The following FKBP7 variants were observed in gnomAD, a reference collection of about 807,000 sequenced individuals.
FKBP7 encodes FKBP prolyl isomerase 7.
Under a neutral mutation model 24.3 loss-of-function variants are expected in FKBP7, and 24 were observed. The ratio of observed to expected loss-of-function variants is 0.99; its 90% CI spans 0.72 to 1.39. The LOEUF (loss-of-function observed/expected upper bound fraction) is 1.39, where lower values mean the gene tolerates loss of function less well. FKBP7 is among the 40% of genes most tolerant of loss of function. FKBP7 has a pLI of 0.00. For synonymous variants in FKBP7, 98 were observed against 92.8 expected, an observed-to-expected ratio of 1.06 and a Z score of -0.32; for missense variants, 257 against 269.5, an observed-to-expected ratio of 0.95 and a Z score of 0.33.
At chr2:178,472,843 C>A (rs1460516534) in intron 2 of FKBP7, among the ~76,000 whole-genome samples, 1 of 89,080 alleles carries the variant, frequency 1.1e-5, no homozygotes, top group Admixed American at 1.5e-4. Context: ...CAGAGCAAGA[C>A]TCCATCTCAA....
At chr2:178,476,476 T>C (rs1685003900) in intron 2 of FKBP7, among the ~76,000 whole-genome samples, 1 of 152,190 alleles carries the variant, frequency 6.6e-6, no homozygotes, top group Non-Finnish European at 1.5e-5. Context: ...AAAATGAAAC[T>C]CTATACCCAT....
chr2:178,474,196 G>A (rs534488478), intron 2 of FKBP7, among the ~76,000 whole-genome samples: 3 of 152,326 alleles, frequency 2.0e-5, no homozygotes, highest in African/African-American at 4.8e-5. Flanking sequence ...AACCGGTGGA[G>A]TCAGCAGTGG....
intron 2 of FKBP7, among the ~76,000 whole-genome samples, chr2:178,472,684 A>C (rs2154126953): frequency 6.6e-6 from 1 of 151,908 alleles, no homozygotes; most frequent in East Asian, 2.0e-4. Flanking sequence ...CCCCATCTCT[A>C]CTAAAAATAC....
Position 178,465,756 on chromosome 2 carries a change from G to A in FKBP7, c.*14C>T. On this transcript the variant is annotated 3_prime_UTR_variant, in exon 4 of 4. Coordinates refer to ENST00000424785, the MANE Select transcript of FKBP7 (RefSeq NM_181342.3). Reference sequence around the variant, plus strand: ...AGTAAATAGCTAAAAAAAAAAAGTAGAAATACAAATATGCTATAGTTCATC... The same window carrying A: ...AGTAAATAGCTAAAAAAAAAAAGTAAAAATACAAATATGCTATAGTTCATC... 1.3e-6 allele frequency: 2 copies of A among 1,531,322 alleles called. No homozygotes were observed. Among genetic ancestry groups the A allele is most frequent in the Non-Finnish European group, 8.8e-7 (1 of 1,141,882 alleles). 94.9% of individuals were successfully genotyped at this position (1,531,322 alleles called of 1,614,324 possible).
chr2:178,477,349 G>A (rs971200313), intron 1 of FKBP7, 136 bp from the exon 2 acceptor site: 6 of 803,876 alleles, frequency 7.5e-6, no homozygotes, highest in South Asian at 5.8e-5. Flanking sequence ...TTAATGGGGT[G>A]TTTGACTCAA....
chr2:178,467,440 T>G (rs1224323361), intron 3 of FKBP7, among the ~76,000 whole-genome samples: 5 of 152,232 alleles, frequency 3.3e-5, no homozygotes, highest in African/African-American at 1.2e-4. Context: ...TTTTTGTTTT[T>G]GTTTTTTTAG....
At chr2:178,466,210 C>T (rs1224049128) in intron 3 of FKBP7, among the ~76,000 whole-genome samples, 1 of 152,124 alleles carries the variant, frequency 6.6e-6, no homozygotes, top group Non-Finnish European at 1.5e-5. Context: ...AAACTAAATG[C>T]TTTCTAATAA....
chr2:178,477,979 T>C (rs377025622), intron 1 of FKBP7, among the ~76,000 whole-genome samples: 5 of 152,226 alleles, frequency 3.3e-5, no homozygotes, highest in African/African-American at 1.2e-4. Flanking sequence ...AACATCCTTA[T>C]AGGCAGAACC....
chr2:178,467,685 G>A (rs1337989080), intron 3 of FKBP7: 2 of 152,180 alleles, frequency 1.3e-5, no homozygotes, highest in Non-Finnish European at 2.9e-5. Flanking sequence ...ATATCACATA[G>A]ACATCTGGGG....
chr2:178,466,345 TG>T (rs1684657578), intron 3 of FKBP7, among the ~76,000 whole-genome samples: 1 of 152,138 alleles, frequency 6.6e-6, no homozygotes, highest in African/African-American at 2.4e-5. Context: ...AACACAACCA[TG>T]GGGTTTGAAA....
intron 3 of FKBP7, among the ~76,000 whole-genome samples, chr2:178,469,451 G>A (rs1485293315): frequency 6.6e-6 from 1 of 152,176 alleles, no homozygotes; most frequent in Non-Finnish European, 1.5e-5. Flanking sequence ...AAAGGCAATT[G>A]AACAGGATGA....
intron 2 of FKBP7, among the ~76,000 whole-genome samples, chr2:178,476,743 G>C (rs1040250658): frequency 2.8e-5 from 4 of 143,368 alleles, no homozygotes; most frequent in Non-Finnish European, 4.5e-5. Flanking sequence ...TTGTAGAGCA[G>C]GGTCTTGCTG....
chr2:178,471,370 T>A (rs1684843883), intron 2 of FKBP7, among the ~76,000 whole-genome samples: 1 of 151,962 alleles, frequency 6.6e-6, no homozygotes, highest in Non-Finnish European at 1.5e-5. Context: ...CCACCAATCC[T>A]GGCTAATTTT....
At position 178,469,724 on chromosome 2, in the gene FKBP7, G is replaced by A. The variant is rs867617965; in HGVS notation, c.435C>T (p.Thr145=). The change falls in exon 3 of 4, where the codon ACC becomes ACT. Residue 145 remains threonine (T), a synonymous_variant. Coordinates refer to ENST00000424785, the MANE Select transcript of FKBP7 (RefSeq NM_181342.3). ...LIFEIELYAV[T]KGPRSIETFK... ...ATGTCTCAATGCTCCGTGGTCCTTT[G>A]GTCACAGCATAAAGTTCAATCTCAA... 1 of 1,613,872 alleles carries A rather than the reference G, an allele frequency of 6.2e-7. No homozygotes were observed. The highest frequency in any genetic ancestry group is 8.5e-7 in the Non-Finnish European group (1 of 1,179,894).
intron 2 of FKBP7, among the ~76,000 whole-genome samples, chr2:178,472,078 GTT>G (rs1005052995): frequency 7.4e-5 from 10 of 135,388 alleles, no homozygotes; most frequent in Admixed American, 7.4e-5. Context: ...TTTTCTTTTC[GTT>G]TTTTTTTTTT....
At position 178,468,410 on chromosome 2, in the gene FKBP7, T is replaced by G. The variant is rs193138446; in HGVS notation, c.507+1242A>C. Among the ~76,000 whole-genome samples, 142 of 152,102 alleles carry G rather than the reference T, an allele frequency of 9.3e-4. 2 individuals are homozygous for G. The highest frequency in any genetic ancestry group is 2.1e-4 in the Non-Finnish European group (14 of 67,992). ...GTTCACACCTGTAATCCCAGCACTTTGGGAGGCTGAAGAAGGAGAATCACT... is the reference window on the plus strand; with the variant it reads ...GTTCACACCTGTAATCCCAGCACTTGGGGAGGCTGAAGAAGGAGAATCACT... On this transcript the variant is annotated intron_variant, in intron 3 of 3. Transcript: ENST00000424785.
At chr2:178,469,820 A>G (rs779283223) in intron 2 of FKBP7, 35 bp from the exon 3 acceptor site, 1 of 1,578,514 alleles carries the variant, frequency 6.3e-7, no homozygotes, top group South Asian at 1.1e-5. Context: ...TAACTTATGT[A>G]AAGATATAGT....
At chr2:178,467,252 G>A (rs1262827207) in intron 3 of FKBP7, among the ~76,000 whole-genome samples, 1 of 152,088 alleles carries the variant, frequency 6.6e-6, no homozygotes, top group Non-Finnish European at 1.5e-5. Context: ...TGCTAGTAAT[G>A]GGTTCCACAC....
chr2:178,474,466 CCCTGAGGCCT>C (rs1369058218), intron 2 of FKBP7, among the ~76,000 whole-genome samples: 2 of 152,182 alleles, frequency 1.3e-5, no homozygotes, highest in African/African-American at 2.4e-5. Flanking sequence ...TCATCCTTGA[CCCTGAGGCCT>C]CCTTCCCAGG....
Sources: gnomAD v4.1 joint callset for allele counts (sites outside exome capture counted in the v4.1 genomes callset) on GRCh38, gnomAD v4.1.1 for gene constraint, MANE v1.5 for transcripts, NCBI Gene and HGNC (gene_info 2026-07-23, HGNC 2026-07-21) for gene names.